SYT16: variants seen among roughly 807,000 people sequenced by gnomAD.
SYT16 encodes synaptotagmin 16, also known as synaptotagmin-16.
A neutral mutation model predicts 61.4 loss-of-function variants in SYT16; 42 were observed. That is an observed-to-expected ratio of 0.68 (90% CI 0.53 to 0.89). SYT16 has a LOEUF of 0.89. SYT16 is among the 40% of genes least tolerant of loss of function. SYT16 has a pLI of 0.00. For missense variants in SYT16, 804 were observed against 807.3 expected, an observed-to-expected ratio of 1.00 and a Z score of 0.05; for synonymous variants, 314 against 302.3, an observed-to-expected ratio of 1.04 and a Z score of -0.40.
chr14:61,991,596 GT>G (rs1404136908), intron 2 of SYT16, among the ~76,000 whole-genome samples: 14 of 152,102 alleles, frequency 9.2e-5, no homozygotes, highest in African/African-American at 3.4e-4. Context: ...TAACTAGGTA[GT>G]TTTTCAGATT....
At chr14:61,883,787 A>G (rs1401678655) in intron 1 of SYT16, among the ~76,000 whole-genome samples, 1 of 152,210 alleles carries the variant, frequency 6.6e-6, no homozygotes, top group Non-Finnish European at 1.5e-5. Context: ...AAAGAGATTT[A>G]ACTGACTCAC....
At chr14:61,812,642 G>C (rs1352718271), upstream of SYT16, 2 of 146,722 alleles carry the variant, frequency 1.4e-5, no homozygotes, top group African/African-American at 2.4e-5. Flanking sequence ...GCGGGGCGGC[G>C]CGGGGCGGCG....
chr14:62,063,937 G>A (rs2055941560), intron 3 of SYT16, among the ~76,000 whole-genome samples: 1 of 152,120 alleles, frequency 6.6e-6, no homozygotes, highest in African/African-American at 2.4e-5. Context: ...GGTGGCAGAT[G>A]TTTAGATGAT....
At chr14:62,027,271 T>C (rs1306939011) in intron 3 of SYT16, among the ~76,000 whole-genome samples, 1 of 152,196 alleles carries the variant, frequency 6.6e-6, no homozygotes, top group African/African-American at 2.4e-5. Flanking sequence ...ATGTTATGTC[T>C]CTGATAGCCA....
intron 1 of SYT16, chr14:61,865,135 C>A: frequency 7.8e-7 from 1 of 1,284,450 alleles, no homozygotes; most frequent in Non-Finnish European, 1.1e-6. Flanking sequence ...GCTCCTCAGC[C>A]ACCGATAAAT....
chr14:61,845,237 C>T (rs962157993), intron 1 of SYT16, among the ~76,000 whole-genome samples: 6 of 151,614 alleles, frequency 4.0e-5, no homozygotes, highest in Admixed American at 6.6e-5. Flanking sequence ...TTAGTAGAGA[C>T]GGGGCTTCAC....
chr14:61,910,671 G>A (rs185449029), intron 1 of SYT16, among the ~76,000 whole-genome samples: 40 of 151,918 alleles, frequency 2.6e-4, no homozygotes, highest in African/African-American at 9.7e-4. Context: ...TGGGATTACA[G>A]TCATGCACCA....
intron 3 of SYT16, among the ~76,000 whole-genome samples, chr14:62,005,784 G>A (rs572419776): frequency 7.9e-5 from 12 of 152,260 alleles, no homozygotes; most frequent in African/African-American, 2.9e-4. Flanking sequence ...GAACAGACAA[G>A]TATACACAAG....
chr14:62,092,220 ACACACACT>A (rs1323860154), intron 7 of SYT16, among the ~76,000 whole-genome samples: 1 of 143,846 alleles, frequency 7.0e-6, no homozygotes, highest in African/African-American at 2.8e-5. Context: ...ACACACACAC[ACACACACT>A]AACAAGTGTT....
At chr14:61,834,140 A>AT (rs1012337344) in intron 1 of SYT16, among the ~76,000 whole-genome samples, 26 of 151,558 alleles carry the variant, frequency 1.7e-4, no homozygotes, top group Middle Eastern at 3.4e-3. Context: ...ATTCACATTT[A>AT]TTTTTTTTGA....
chr14:61,821,025 C>A (rs952560425), intron 1 of SYT16, among the ~76,000 whole-genome samples: 2 of 152,056 alleles, frequency 1.3e-5, no homozygotes, highest in East Asian at 3.9e-4. Context: ...GCTCTAACTC[C>A]CCATACCTGC....
At position 61,817,196 on chromosome 14, in the gene SYT16, C is replaced by T. The variant is rs149240151; in HGVS notation, c.-325+4386C>T. 9.3e-3 allele frequency among the ~76,000 whole-genome samples: 1,409 copies of T among 151,424 alleles called. 27 individuals are homozygous for T. Among genetic ancestry groups the T allele is most frequent in the African/African-American group, 0.032 (1,336 of 41,238 alleles). On this transcript the variant is annotated intron_variant, in intron 1 of 7. Coordinates refer to ENST00000683842, the MANE Select transcript of SYT16 (RefSeq NM_001367656.1). Reference sequence around the variant, plus strand: ...CTTTGGGAGGCCGAGGCGGGTGGATCGCCTGAGGTCAGGAGTTTGCGACCA... The same window carrying T: ...CTTTGGGAGGCCGAGGCGGGTGGATTGCCTGAGGTCAGGAGTTTGCGACCA...
At chr14:62,089,775 A>G (rs866799824) in intron 7 of SYT16, among the ~76,000 whole-genome samples, 3 of 152,238 alleles carry the variant, frequency 2.0e-5, no homozygotes, top group Non-Finnish European at 4.4e-5. Flanking sequence ...CTGATGGCAA[A>G]TGATAACCTC....
At chr14:61,907,031 A>C (rs1010711895) in intron 1 of SYT16, among the ~76,000 whole-genome samples, 4 of 152,206 alleles carry the variant, frequency 2.6e-5, no homozygotes, top group South Asian at 2.1e-4. Context: ...TAAAAAATAC[A>C]TGGAATTTCT....
intron 3 of SYT16, among the ~76,000 whole-genome samples, chr14:62,044,958 T>G (rs965872843): frequency 5.3e-5 from 8 of 152,032 alleles, no homozygotes; most frequent in African/African-American, 1.5e-4. Flanking sequence ...GCCAACGTGG[T>G]GAAACCCCAT....
At chr14:61,923,570 A>G (rs986807569) in intron 1 of SYT16, among the ~76,000 whole-genome samples, 3 of 152,154 alleles carry the variant, frequency 2.0e-5, no homozygotes, top group African/African-American at 7.2e-5. Flanking sequence ...GCGAGCGGAA[A>G]CATTTCAAGC....
intron 1 of SYT16, among the ~76,000 whole-genome samples, chr14:61,815,110 G>A (rs1187712746): frequency 6.6e-6 from 1 of 152,274 alleles, no homozygotes; most frequent in Middle Eastern, 3.4e-3. Context: ...CAAACAGATC[G>A]CTGGACTTCA....
intron 1 of SYT16, among the ~76,000 whole-genome samples, chr14:61,885,695 A>G (rs1234038852): frequency 6.6e-6 from 1 of 152,228 alleles, no homozygotes; most frequent in South Asian, 2.1e-4. Flanking sequence ...TAAAGCAAAT[A>G]TCTCAATTGA....
At chr14:61,848,539 C>T (rs1345840895) in intron 1 of SYT16, among the ~76,000 whole-genome samples, 1 of 152,216 alleles carries the variant, frequency 6.6e-6, no homozygotes, top group Admixed American at 6.5e-5. Context: ...CAGCACAACA[C>T]TGGGCCTCAT....
Sources: gnomAD v4.1 joint callset for allele counts (sites outside exome capture counted in the v4.1 genomes callset) on GRCh38, gnomAD v4.1.1 for gene constraint, MANE v1.5 for transcripts, NCBI Gene and HGNC (gene_info 2026-07-23, HGNC 2026-07-21) for gene names.